Variants in ETFA observed in about 807,000 individuals in gnomAD.
ETFA encodes electron transfer flavoprotein subunit alpha.
Under a neutral mutation model 46.2 loss-of-function variants are expected in ETFA, and 22 were observed. The observed-to-expected ratio is 0.48, with a 90% confidence interval of 0.34 to 0.68. The LOEUF is 0.68. Among genes scored for constraint, ETFA ranks in the 30% least tolerant of loss-of-function variants. The probability of loss-of-function intolerance (pLI) is 0.01; values close to 1 mark genes in which losing one functional copy is unlikely to be tolerated. For synonymous variants in ETFA, 131 were observed against 139.9 expected, an observed-to-expected ratio of 0.94 and a Z score of 0.45; for missense variants, 345 against 401.1, an observed-to-expected ratio of 0.86 and a Z score of 1.19.
At chr15:76,234,942 A>T (rs2039108825) in intron 9 of ETFA, among the ~76,000 whole-genome samples, 2 of 152,210 alleles carry the variant, frequency 1.3e-5, no homozygotes, top group Non-Finnish European at 2.9e-5. Flanking sequence ...CTGAGATAGA[A>T]AGGGCAGCAG....
chr15:76,307,759 C>A (rs949259474), intron 1 of ETFA, among the ~76,000 whole-genome samples: 4 of 152,084 alleles, frequency 2.6e-5, no homozygotes, highest in African/African-American at 9.7e-5. Flanking sequence ...GCTGGGATTA[C>A]AGGTGTCAGC....
chr15:76,256,685 AC>A (rs2039348502), intron 9 of ETFA, among the ~76,000 whole-genome samples: 1 of 152,242 alleles, frequency 6.6e-6, no homozygotes, highest in African/African-American at 2.4e-5. Flanking sequence ...TGAGTGATGC[AC>A]CACATAACAA....
intron 11 of ETFA, among the ~76,000 whole-genome samples, chr15:76,222,998 C>A (rs947974284): frequency 3.9e-5 from 6 of 152,012 alleles, no homozygotes; most frequent in African/African-American, 1.4e-4. Flanking sequence ...CCAGACCCAG[C>A]TAATTTTTGT....
chr15:76,295,926 C>G (rs1596224592), intron 1 of ETFA, among the ~76,000 whole-genome samples, 189 bp from the exon 2 acceptor site: 1 of 89,902 alleles, frequency 1.1e-5, no homozygotes, highest in South Asian at 3.1e-4. Flanking sequence ...ATCACTGTAC[C>G]ACTAATATTC....
intron 10 of ETFA, chr15:76,227,745 T>TA (rs930598480): frequency 2.2e-6 from 1 of 446,624 alleles, no homozygotes; most frequent in South Asian, 1.6e-5. Context: ...CAGCTGGTAT[T>TA]AAAAAATACA....
chr15:76,223,767 A>G lies in ETFA; in HGVS notation c.963+2082T>C, dbSNP rs578054259. Among the ~76,000 whole-genome samples, 6 of 152,354 alleles carry G rather than the reference A, an allele frequency of 3.9e-5. No individual in the cohort carries two copies. The East Asian group carries it at 7.7e-4, about 20-fold the overall frequency. On this transcript the variant is annotated intron_variant, in intron 11 of 11. Coordinates refer to ENST00000557943, the MANE Select transcript of ETFA (RefSeq NM_000126.4). ...CTGAGAAACCTCCGTGTCCACACACATGCATAGTCTCATGCCAAACCTTGG... is the reference window on the plus strand; with the variant it reads ...CTGAGAAACCTCCGTGTCCACACACGTGCATAGTCTCATGCCAAACCTTGG...
intron 9 of ETFA, among the ~76,000 whole-genome samples, chr15:76,268,991 G>T (rs1302063610): frequency 6.6e-6 from 1 of 152,220 alleles, no homozygotes; most frequent in Non-Finnish European, 1.5e-5. Flanking sequence ...AGGCTCACTT[G>T]AACCTGCTCC....
intron 5 of ETFA, 129 bp from the exon 6 acceptor site, chr15:76,286,610 T>C: frequency 1.4e-6 from 1 of 701,024 alleles, no homozygotes; most frequent in Non-Finnish European, 2.6e-6. Flanking sequence ...TCTAACTCTA[T>C]TAAGTATAGG....
intron 11 of ETFA, among the ~76,000 whole-genome samples, chr15:76,224,039 C>A (rs1269371186): frequency 6.6e-6 from 1 of 152,176 alleles, no homozygotes; most frequent in Non-Finnish European, 1.5e-5. Flanking sequence ...AAAAAGGCAA[C>A]CACAGTAGAC....
At chr15:76,255,674 G>A (rs149007070) in intron 9 of ETFA, among the ~76,000 whole-genome samples, 3 of 152,262 alleles carry the variant, frequency 2.0e-5, no homozygotes, top group Non-Finnish European at 2.9e-5. Context: ...TTGATATCAA[G>A]GAATCACTGA....
At chr15:76,268,961 G>T (rs780853230) in intron 9 of ETFA, among the ~76,000 whole-genome samples, 1 of 152,194 alleles carries the variant, frequency 6.6e-6, no homozygotes, top group African/African-American at 2.4e-5. Context: ...AACTAAAATA[G>T]CAGGTTTTTG....
intron 9 of ETFA, among the ~76,000 whole-genome samples, chr15:76,254,440 T>C (rs925416228): frequency 6.6e-6 from 1 of 152,230 alleles, no homozygotes; most frequent in Non-Finnish European, 1.5e-5. Flanking sequence ...ACAAAGTTAA[T>C]ATTCTTAATA....
intron 1 of ETFA, among the ~76,000 whole-genome samples, chr15:76,309,683 A>G (rs1196906511): frequency 6.6e-6 from 1 of 152,122 alleles, no homozygotes. Flanking sequence ...CACAATTATA[A>G]TTTCACTTAG....
chr15:76,228,945 G>A (rs1280198250), intron 10 of ETFA: 1 of 153,444 alleles, frequency 6.5e-6, no homozygotes, highest in South Asian at 1.9e-4. Context: ...TAGTAGAGAT[G>A]GGGTTTCATC....
intron 11 of ETFA, among the ~76,000 whole-genome samples, chr15:76,225,445 C>T (rs767251744): frequency 6.4e-4 from 97 of 152,026 alleles, no homozygotes; most frequent in Non-Finnish European, 8.7e-4. Context: ...CCTGCCACCA[C>T]GCCCAGCTAA....
Position 76,216,280 on chromosome 15 carries a change from A to G in ETFA, c.*279T>C. ...TTTTCTTCAATTTTCTCTAGAGGCT[A>G]GGCATATTTCTGATAGTTTTAAAGC... On this transcript the variant is annotated 3_prime_UTR_variant, in exon 12 of 12. Transcript: ENST00000557943. The G allele has an allele frequency of 2.9e-6, 1 of 342,962 alleles. No individual in the cohort carries two copies. The allele number at this position is 342,962 out of a possible 1,614,324, so 21.2% of individuals were successfully genotyped here.
At chr15:76,285,818 A>G (rs912584949) in intron 6 of ETFA, 80 bp from the exon 7 acceptor site, 8 of 930,474 alleles carry the variant, frequency 8.6e-6, no homozygotes, top group Non-Finnish European at 1.4e-5. Context: ...AGAAACACAC[A>G]AGTATATAAT....
At chr15:76,260,964 C>G in intron 9 of ETFA, 1 of 1,610,874 alleles carries the variant, frequency 6.2e-7, no homozygotes, top group Non-Finnish European at 8.5e-7. Flanking sequence ...GCCATCAGCA[C>G]CTGGCATCCA....
At chr15:76,299,551 T>C (rs1596226271) in intron 1 of ETFA, among the ~76,000 whole-genome samples, 1 of 152,118 alleles carries the variant, frequency 6.6e-6, no homozygotes, top group Non-Finnish European at 1.5e-5. Flanking sequence ...CCAGAGTGCT[T>C]GGATTACAGG....
Sources: gnomAD v4.1 joint callset for allele counts (sites outside exome capture counted in the v4.1 genomes callset) on GRCh38, gnomAD v4.1.1 for gene constraint, MANE v1.5 for transcripts, NCBI Gene and HGNC (gene_info 2026-07-23, HGNC 2026-07-21) for gene names.